The following ZNF596 variants were observed in gnomAD, a reference collection of about 807,000 sequenced individuals.
ZNF596 encodes zinc finger protein 596.
ZNF596 carries 45 observed loss-of-function variants against 48.3 expected under a neutral mutation model. That is an observed-to-expected ratio of 0.93 (90% CI 0.73 to 1.19). The LOEUF is 1.19. Ranked by LOEUF, ZNF596 falls within the 50% of genes most tolerant of loss-of-function variation. The pLI is 0.00. For synonymous variants in ZNF596, 270 were observed against 202.0 expected, an observed-to-expected ratio of 1.34 and a Z score of -2.85; for missense variants, 848 against 599.7, an observed-to-expected ratio of 1.41 and a Z score of -4.32.
At chr8:235,588 G>A (rs1796586052) in intron 1 of ZNF596, among the ~76,000 whole-genome samples, 1 of 151,896 alleles carries the variant, frequency 6.6e-6, no homozygotes, top group Non-Finnish European at 1.5e-5. Flanking sequence ...TGTGTAAAAT[G>A]AATTTTTCTA....
At chr8:234,575 T>A (rs1796549371) in intron 1 of ZNF596, 1 of 152,236 alleles carries the variant, frequency 6.6e-6, no homozygotes, top group African/African-American at 2.4e-5. Flanking sequence ...GGAAAAGGAT[T>A]AGATATGGCA....
chr8:241,907 GGA>G (rs1796868347), intron 2 of ZNF596, among the ~76,000 whole-genome samples: 2 of 152,138 alleles, frequency 1.3e-5, no homozygotes, highest in African/African-American at 4.8e-5. Flanking sequence ...TAAGGCAGCA[GGA>G]GAGAGACCAA....
intron 4 of ZNF596, 43 bp downstream of exon 4, chr8:243,848 A>G: frequency 6.5e-7 from 1 of 1,549,044 alleles, no homozygotes; most frequent in Non-Finnish European, 8.9e-7. Context: ...GAGGAGAAAC[A>G]TGGCCAGTGA....
In ZNF596 at chr8:244,094, TG is replaced by T. The variant is rs1429627047; in HGVS notation, c.223+291del. On this transcript the variant is annotated intron_variant, in intron 4 of 5. Coordinates refer to ENST00000398612, the MANE Select transcript of ZNF596 (RefSeq NM_001042416.3). The stretch of plus-strand genomic sequence containing the variant: ...TAATAGAGACAGGGTTTCAACATGT[TG>T]GCCAGGCTGGTCTTGAACTCCTGAC... 1.2e-4 allele frequency: 27 copies of T among 226,696 alleles called. No homozygotes were observed. The South Asian group carries it at 1.7e-3, about 14-fold the overall frequency. The allele number at this position is 226,696 out of a possible 1,614,324, so 14.0% of individuals were successfully genotyped here. A position where few individuals can be genotyped will look rare whatever the true frequency, so the allele number is the denominator to read the frequency against.
chr8:232,981 C>A (rs1263065916), intron 1 of ZNF596: 3 of 468,628 alleles, frequency 6.4e-6, no homozygotes, highest in Admixed American at 2.4e-5. Context: ...TTTACCTTCC[C>A]GGTGTCCCAC....
intron 1 of ZNF596, chr8:234,252 C>G (rs1157350648): frequency 6.6e-6 from 1 of 152,138 alleles, no homozygotes; most frequent in Admixed American, 6.5e-5. Context: ...AGGGGTCAGA[C>G]CAGTTGATAT....
chr8:242,064 G>A (rs1417410997), intron 2 of ZNF596, among the ~76,000 whole-genome samples: 1 of 152,184 alleles, frequency 6.6e-6, no homozygotes. Context: ...AATTCAAGAT[G>A]AGATTTGGGT....
At chr8:243,086 T>G in intron 3 of ZNF596, 73 bp downstream of exon 3, 1 of 1,439,266 alleles carries the variant, frequency 6.9e-7, no homozygotes, top group South Asian at 1.3e-5. Flanking sequence ...TGATTCATTC[T>G]TTCATTCTAC....
chr8:244,682 C>G lies in ZNF596; in HGVS notation c.287C>G (p.Thr96Arg). The change falls in exon 5 of 6, where the codon ACG becomes AGG. Residue 96 changes from threonine to arginine, a missense_variant. By Grantham distance (71) the Thr-to-Arg change is moderately conservative (BLOSUM62 -1). Transcript: ENST00000398612. Reference sequence around the variant, plus strand: ...ATTCAACATATCTATCAGAAGGGCACGTCCACCATCAGCACAATGGTAAGC... The same window carrying G: ...ATTCAACATATCTATCAGAAGGGCAGGTCCACCATCAGCACAATGGTAAGC... ...PFIQHIYQKG[T>R]STISTMRSHT... The G allele has an allele frequency of 6.2e-7, 1 of 1,613,080 alleles. No individual in the cohort carries two copies. The highest frequency in any genetic ancestry group is 8.5e-7 in the Non-Finnish European group (1 of 1,179,440).
Position 246,469 on chromosome 8 carries a change from T to C in ZNF596, c.*107T>C. 1 of 1,391,678 alleles carries C rather than the reference T, an allele frequency of 7.2e-7. No individual in the cohort carries two copies. Among genetic ancestry groups the C allele is most frequent in the South Asian group, 1.4e-5 (1 of 69,084 alleles). 86.2% of individuals were successfully genotyped at this position (1,391,678 alleles called of 1,614,324 possible). ...AAAGCCTTTATTTATATTTACCACT[T>C]TGCTCAACCTAAATGAATTCAAGGT... On this transcript the variant is annotated 3_prime_UTR_variant, in exon 6 of 6. Coordinates refer to ENST00000398612, the MANE Select transcript of ZNF596 (RefSeq NM_001042416.3).
chr8:242,634 C>G (rs948287472), intron 2 of ZNF596, among the ~76,000 whole-genome samples: 1 of 152,142 alleles, frequency 6.6e-6, no homozygotes, highest in Non-Finnish European at 1.5e-5. Flanking sequence ...CTTTAGAAGT[C>G]TATTGGGAAA....
rs1796817936 is a variant in ZNF596, at chr8:240,697, A to G, written c.-72-127A>G. 17 of 618,736 alleles carry G rather than the reference A, an allele frequency of 2.7e-5. 1 individual carries two copies. In the South Asian group the frequency reaches 3.5e-4, roughly 13 times the overall value. 38.3% of individuals were successfully genotyped at this position (618,736 alleles called of 1,614,324 possible). ...TGACCCTGGGAGAGGAGAGCCACCA[A>G]CCCAACCCACCCCCTACCCACTGCA... On this transcript the variant is annotated intron_variant, in intron 1 of 5. Coordinates refer to ENST00000398612, the MANE Select transcript of ZNF596 (RefSeq NM_001042416.3).
At position 245,887 on chromosome 8, in the gene ZNF596, G is replaced by A; in HGVS notation, c.1040G>A (p.Cys347Tyr). The part of the protein sequence containing the change: ...CHLCGKAFSH[C>Y]SHLRQHERSH... ...CTATGTGGAAAAGCCTTCTCTCATTGTTCTCACCTTAGACAACATGAGCGA... is the reference window on the plus strand; with the variant it reads ...CTATGTGGAAAAGCCTTCTCTCATTATTCTCACCTTAGACAACATGAGCGA... Residue 347 changes from cysteine (C) to tyrosine (Y), a missense_variant, in exon 6 of 6, where the codon TGT (cysteine) becomes TAT (tyrosine). By Grantham distance (194) the Cys-to-Tyr change is radical. Transcript: ENST00000398612. The A allele has an allele frequency of 6.2e-7, 1 of 1,613,590 alleles. No individual in the cohort carries two copies. Among genetic ancestry groups the A allele is most frequent in the Non-Finnish European group, 8.5e-7 (1 of 1,179,888 alleles).
intron 1 of ZNF596, among the ~76,000 whole-genome samples, chr8:239,798 T>A (rs895814771): frequency 8.5e-5 from 13 of 152,154 alleles, no homozygotes; most frequent in Admixed American, 2.6e-4. Context: ...TGTTATTAAC[T>A]CGATCTCCAG....
chr8:244,637 A>T lies in ZNF596; in HGVS notation c.242A>T (p.Lys81Ile), dbSNP rs1348102984. 2 of 1,612,786 alleles carry T rather than the reference A, an allele frequency of 1.2e-6. No individual in the cohort carries two copies. Among genetic ancestry groups the T allele is most frequent in the Admixed American group, 3.3e-5 (2 of 59,816 alleles). Residue 81 changes from lysine (K) to isoleucine (I), a missense_variant, in exon 5 of 6, where the codon AAA (lysine) becomes ATA (isoleucine). Coordinates refer to ENST00000398612, the MANE Select transcript of ZNF596 (RefSeq NM_001042416.3). Reference protein sequence around the residue: ...SLLQGREVGIKHQEIPFIQHI... With the variant: ...SLLQGREVGIIHQEIPFIQHI... Reference sequence around the variant, plus strand: ...ATTTCAGGTAGAGAAGTTGGCATTAAACATCAAGAGATACCATTCATTCAA... The same window carrying T: ...ATTTCAGGTAGAGAAGTTGGCATTATACATCAAGAGATACCATTCATTCAA...
chr8:243,107 A>G (rs1796921083), intron 3 of ZNF596, 94 bp downstream of exon 3: 2 of 1,199,142 alleles, frequency 1.7e-6, no homozygotes, highest in East Asian at 2.8e-5. Flanking sequence ...ACGTGCTTAG[A>G]ACAGCTTTCT....
rs1221872423 is a variant in ZNF596, at chr8:245,767, A to G, written c.920A>G (p.Tyr307Cys). Residue 307 changes from tyrosine to cysteine, a missense_variant, in exon 6 of 6, where the codon TAT becomes TGT. Transcript: ENST00000398612. The part of the protein sequence containing the change: ...HERTHLGDKP[Y>C]GCLLCGKAFS... ...AGAACTCACTTAGGAGATAAACCAT[A>G]TGGATGTCTCCTATGTGGGAAGGCT... 5.0e-6 allele frequency: 8 copies of G among 1,614,146 alleles called. No individual in the cohort carries two copies. The highest frequency in any genetic ancestry group is 1.1e-5 in the South Asian group (1 of 91,082).
At position 245,674 on chromosome 8, in the gene ZNF596, A is replaced by G; in HGVS notation, c.827A>G (p.Glu276Gly). Reference sequence around the variant, plus strand: ...CGACATGAGATGATTCACACTAGAGAAAAAGCACAGATATGCCATCTATGT... The same window carrying G: ...CGACATGAGATGATTCACACTAGAGGAAAAGCACAGATATGCCATCTATGT... ...LRRHEMIHTREKAQICHLCGK... is the reference protein window; with the variant it reads ...LRRHEMIHTRGKAQICHLCGK... Residue 276 changes from glutamate (E) to glycine (G), a missense_variant, in exon 6 of 6, where the codon GAA becomes GGA. By Grantham distance (98) the Glu-to-Gly change is moderately conservative. Transcript: ENST00000398612. 6.2e-7 allele frequency: 1 copy of G among 1,614,114 alleles called. No homozygotes were observed. Among genetic ancestry groups the G allele is most frequent in the Non-Finnish European group, 8.5e-7 (1 of 1,180,008 alleles).
chr8:242,749 G>A (rs559229226), intron 2 of ZNF596, 138 bp from the exon 3 acceptor site: 3 of 700,198 alleles, frequency 4.3e-6, no homozygotes, highest in Non-Finnish European at 6.2e-6. Flanking sequence ...TTAAAGCAAT[G>A]TGACAGGAAC....
Sources: gnomAD v4.1 joint callset for allele counts (sites outside exome capture counted in the v4.1 genomes callset) on GRCh38, gnomAD v4.1.1 for gene constraint, MANE v1.5 for transcripts, NCBI Gene and HGNC (gene_info 2026-07-23, HGNC 2026-07-21) for gene names.